Variants in CHST11 observed in about 807,000 individuals in gnomAD.
CHST11 encodes the protein C4S-1.
In CHST11, 9 loss-of-function variants were observed where a neutral mutation model predicts 30.4. The observed-to-expected ratio is 0.30, with a 90% CI of 0.18 to 0.52. CHST11 has a LOEUF of 0.52. CHST11 is among the 20% of genes least tolerant of loss of function. The pLI is 0.97. For missense variants in CHST11, 348 were observed against 460.6 expected (o/e 0.76, Z 2.24); for synonymous variants, 152 against 187.8 (o/e 0.81, Z 1.56).
intron 1 of CHST11, among the ~76,000 whole-genome samples, chr12:104,462,665 G>A (rs2037421550): frequency 6.6e-6 from 1 of 152,170 alleles, no homozygotes; most frequent in African/African-American, 2.4e-5. Flanking sequence ...TTGAAAAGGT[G>A]TCAAGAGGGT....
intron 1 of CHST11, among the ~76,000 whole-genome samples, chr12:104,550,816 G>T (rs1489855350): frequency 6.6e-6 from 1 of 152,174 alleles, no homozygotes; most frequent in Non-Finnish European, 1.5e-5. Context: ...AGAAGATGTC[G>T]TTGGGCCACT....
At chr12:104,567,123 G>A (rs953170516) in intron 1 of CHST11, among the ~76,000 whole-genome samples, 7 of 152,256 alleles carry the variant, frequency 4.6e-5, no homozygotes, top group African/African-American at 1.4e-4. Context: ...CTAAAGAATG[G>A]AGTACACTAT....
chr12:104,574,241 G>C (rs1362109088), intron 1 of CHST11, among the ~76,000 whole-genome samples: 5 of 152,146 alleles, frequency 3.3e-5, no homozygotes, highest in Admixed American at 1.3e-4. Context: ...GGAGAAATAG[G>C]AACACTTTTA....
intron 1 of CHST11, among the ~76,000 whole-genome samples, chr12:104,498,467 G>C (rs907424766): frequency 6.6e-6 from 1 of 152,146 alleles, no homozygotes; most frequent in African/African-American, 2.4e-5. Flanking sequence ...ATTTTAAACT[G>C]TCAGTGGGGC....
At chr12:104,488,066 G>T (rs574815062) in intron 1 of CHST11, among the ~76,000 whole-genome samples, 136 of 152,078 alleles carry the variant, frequency 8.9e-4, no homozygotes, top group African/African-American at 2.8e-3. Flanking sequence ...GTGCCACCAC[G>T]CCTGGTTTAA....
intron 1 of CHST11, among the ~76,000 whole-genome samples, chr12:104,487,833 T>C (rs1398408649): frequency 6.6e-6 from 1 of 152,112 alleles, no homozygotes; most frequent in Non-Finnish European, 1.5e-5. Flanking sequence ...GTTAAAATAC[T>C]GGTACATTTT....
chr12:104,754,841 T>C (rs1465511913), intron 2 of CHST11, among the ~76,000 whole-genome samples: 1 of 152,182 alleles, frequency 6.6e-6, no homozygotes, highest in Admixed American at 6.5e-5. Flanking sequence ...CTCCCTTGGG[T>C]ATAAAAATTT....
At chr12:104,744,074 A>C (rs1191853808) in intron 2 of CHST11, among the ~76,000 whole-genome samples, 1 of 152,174 alleles carries the variant, frequency 6.6e-6, no homozygotes, top group African/African-American at 2.4e-5. Context: ...ACATGTGTGC[A>C]TGTGTCTTTA....
chr12:104,484,755 A>G lies in CHST11; in HGVS notation c.118+27226A>G, dbSNP rs58425617. ...GTTAAGTTATACAAAAGAGAAGGAC[A>G]GGGTGTCAAGAGAGCACATAGCAAG... On this transcript the variant is annotated intron_variant, in intron 1 of 2. Transcript: ENST00000303694. 7.4e-3 allele frequency among the ~76,000 whole-genome samples: 1,120 copies of G among 152,376 alleles called. 14 individuals carry two copies. Among genetic ancestry groups the G allele is most frequent in the African/African-American group, 0.025 (1,036 of 41,584 alleles).
At chr12:104,641,303 A>G (rs1391781997) in intron 2 of CHST11, among the ~76,000 whole-genome samples, 3 of 152,208 alleles carry the variant, frequency 2.0e-5, no homozygotes, top group African/African-American at 4.8e-5. Context: ...CCATCCACTG[A>G]GCTGTTAACA....
At chr12:104,548,991 A>T (rs1325908331) in intron 1 of CHST11, among the ~76,000 whole-genome samples, 1 of 152,226 alleles carries the variant, frequency 6.6e-6, no homozygotes, top group African/African-American at 2.4e-5. Flanking sequence ...AATATCATAA[A>T]TTGACCTGGT....
chr12:104,752,536 ATG>A (rs1555249984), intron 2 of CHST11, among the ~76,000 whole-genome samples: 17 of 143,898 alleles, frequency 1.2e-4, no homozygotes, highest in Non-Finnish European at 7.4e-5. Context: ...TTATTTATTT[ATG>A]TATTTTTGAG....
At chr12:104,504,498 G>A (rs183013336) in intron 1 of CHST11, among the ~76,000 whole-genome samples, 14 of 152,298 alleles carry the variant, frequency 9.2e-5, no homozygotes, top group Admixed American at 8.5e-4. Flanking sequence ...GGACTCTCTC[G>A]GGTCTGGTGA....
chr12:104,741,753 A>C (rs1309549799), intron 2 of CHST11, among the ~76,000 whole-genome samples: 3 of 152,202 alleles, frequency 2.0e-5, no homozygotes, highest in Non-Finnish European at 2.9e-5. Flanking sequence ...CCGCTCATGT[A>C]AAAGCGACGC....
intron 2 of CHST11, among the ~76,000 whole-genome samples, chr12:104,679,975 G>A (rs1057203558): frequency 6.6e-6 from 1 of 152,084 alleles, no homozygotes; most frequent in Non-Finnish European, 1.5e-5. Context: ...GTTATCTGCT[G>A]GACCACCTTA....
In CHST11 at chr12:104,458,573, G is replaced by T. The variant is rs918718714; in HGVS notation, c.118+1044G>T. Among the ~76,000 whole-genome samples, 1 of 152,232 alleles carries T rather than the reference G, an allele frequency of 6.6e-6. No homozygotes were observed. Among genetic ancestry groups the T allele is most frequent in the East Asian group, 1.9e-4 (1 of 5,182 alleles). On this transcript the variant is annotated intron_variant, in intron 1 of 2. Transcript: ENST00000303694. This position sits in a 1 kb window ranked among gnomAD's most constrained non-coding sequence, Gnocchi z 5.7. ...GGCTGCGAAGCCCAACAGGTAGAAC[G>T]TTCCGAGAAGCCTTCCGGGTAACGC...
chr12:104,736,324 G>C lies in CHST11; in HGVS notation c.205-20625G>C. ...GTGGAAGGAAAGGAAAGGAAGAAGAGAGAGAGAAGAGAAGAGAGAAGGAAG... is the reference window on the plus strand; with the variant it reads ...GTGGAAGGAAAGGAAAGGAAGAAGACAGAGAGAAGAGAAGAGAGAAGGAAG... On this transcript the variant is annotated intron_variant, in intron 2 of 2. Transcript: ENST00000303694. Among the ~76,000 whole-genome samples the C allele has an allele frequency of 1.3e-5, 2 of 152,174 alleles. 1 individual carries two copies. The highest frequency in any genetic ancestry group is 2.9e-5 in the Non-Finnish European group (2 of 68,026).
At chr12:104,687,964 G>A (rs1260853290) in intron 2 of CHST11, among the ~76,000 whole-genome samples, 1 of 152,186 alleles carries the variant, frequency 6.6e-6, no homozygotes, top group Non-Finnish European at 1.5e-5. Flanking sequence ...CCTGCTCTCA[G>A]CCAGTGTGTG....
chr12:104,573,064 C>T (rs553854815), intron 1 of CHST11, among the ~76,000 whole-genome samples: 2 of 152,286 alleles, frequency 1.3e-5, no homozygotes, highest in South Asian at 4.1e-4. Flanking sequence ...TTCTTATACA[C>T]CAATAACAGA....
Sources: allele counts gnomAD v4.1 joint callset (sites outside exome capture counted in the v4.1 genomes callset), GRCh38; gene constraint gnomAD v4.1.1; non-coding constraint Gnocchi (gnomAD v3.1); transcripts MANE v1.5; gene names NCBI Gene and HGNC (gene_info 2026-07-23, HGNC 2026-07-21).